The following AKR1E2 variants were observed in gnomAD, a reference collection of about 807,000 sequenced individuals.
The protein encoded by AKR1E2 is aldo-keto reductase family 1 member E2.
AKR1E2 carries 43 observed loss-of-function variants against 41.9 expected under a neutral mutation model. The ratio of observed to expected loss-of-function variants is 1.03; its 90% confidence interval spans 0.80 to 1.32. The LOEUF is 1.32. Among genes scored for constraint, AKR1E2 ranks in the 40% most tolerant of loss-of-function variants. The pLI is 0.00. For missense variants in AKR1E2, 423 were observed against 396.5 expected, an observed-to-expected ratio of 1.07 and a Z score of -0.57; for synonymous variants, 121 against 138.9, an observed-to-expected ratio of 0.87 and a Z score of 0.91.
At chr10:4,862,373 C>A in the AKR1E2 span, among the ~76,000 whole-genome samples, 1 of 152,128 alleles carries the variant, frequency 6.6e-6, no homozygotes, top group Admixed American at 6.5e-5. Context: ...GTGATGCCTC[C>A]AGCTTTGTTC....
At chr10:4,867,836 C>G in the AKR1E2 span, among the ~76,000 whole-genome samples, 1 of 152,032 alleles carries the variant, frequency 6.6e-6, no homozygotes, top group Non-Finnish European at 1.5e-5. Context: ...TTTGTCAAAG[C>G]GAGAGGCAGC....
intron 2 of AKR1E2, 120 bp downstream of exon 2, chr10:4,830,962 A>G (rs1832923875): frequency 2.4e-6 from 3 of 1,236,794 alleles, no homozygotes; most frequent in Non-Finnish European, 3.4e-6. Flanking sequence ...ATAAACAAGA[A>G]TATTCACAGC....
chr10:4,865,982 T>C, the AKR1E2 span, among the ~76,000 whole-genome samples: 1 of 152,172 alleles, frequency 6.6e-6, no homozygotes, highest in East Asian at 1.9e-4. Context: ...TTTTGGTCAA[T>C]CTCCTTCTCT....
chr10:4,826,455 A>G (rs1832513341), intron 1 of AKR1E2, 92 bp downstream of exon 1: 1 of 1,143,084 alleles, frequency 8.7e-7, no homozygotes, highest in Non-Finnish European at 1.1e-6. Context: ...GCTGGGGAGA[A>G]GTGCGGCGGC....
In AKR1E2 at chr10:4,842,476, C is replaced by T; in HGVS notation, c.809C>T (p.Thr270Ile). 1.2e-6 allele frequency: 2 copies of T among 1,614,068 alleles called. No homozygotes were observed. Among genetic ancestry groups the T allele is most frequent in the Non-Finnish European group, 8.5e-7 (1 of 1,179,970 alleles). Residue 270 changes from threonine (T) to isoleucine (I), a missense_variant, in exon 8 of 10, where the codon ACC becomes ATC. Thr to Ile is a moderately conservative substitution (Grantham distance 89). Coordinates refer to ENST00000298375, the MANE Select transcript of AKR1E2 (RefSeq NM_001040177.3). ...RNVIVIPGSI[T>I]PSHIKENIQV... ...GTGATAGTGATCCCCGGATCTATCACCCCAAGTCACATTAAAGAGAATATC... is the reference window on the plus strand; with the variant it reads ...GTGATAGTGATCCCCGGATCTATCATCCCAAGTCACATTAAAGAGAATATC...
the AKR1E2 span, among the ~76,000 whole-genome samples, chr10:4,866,667 G>T: frequency 6.9e-6 from 1 of 144,462 alleles, no homozygotes; most frequent in Non-Finnish European, 1.5e-5. Flanking sequence ...TTTTGAGATG[G>T]AGTCTCGCTG....
At chr10:4,830,964 A>T in intron 2 of AKR1E2, 122 bp downstream of exon 2, 1 of 1,218,850 alleles carries the variant, frequency 8.2e-7, no homozygotes, top group Non-Finnish European at 1.1e-6. Context: ...AAACAAGAAT[A>T]TTCACAGCTT....
At chr10:4,864,688 A>T in the AKR1E2 span, among the ~76,000 whole-genome samples, 1 of 152,178 alleles carries the variant, frequency 6.6e-6, no homozygotes, top group Non-Finnish European at 1.5e-5. Flanking sequence ...TGCAGATGAC[A>T]TGATTGTATA....
chr10:4,836,687 G>A (rs7900816), intron 4 of AKR1E2, among the ~76,000 whole-genome samples: 25,998 of 152,196 alleles, frequency 0.17, 2,741 homozygotes, highest in Middle Eastern at 0.33. Flanking sequence ...GAGATGTCAG[G>A]ACCAGGGCCC....
intron 7 of AKR1E2, among the ~76,000 whole-genome samples, chr10:4,842,109 C>T (rs1833935348): frequency 1.3e-5 from 2 of 152,138 alleles, no homozygotes; most frequent in African/African-American, 4.8e-5. Flanking sequence ...CTCTGCCCCA[C>T]CAACTGCATG....
the AKR1E2 span, among the ~76,000 whole-genome samples, chr10:4,861,429 G>A: frequency 7.9e-5 from 12 of 151,892 alleles, no homozygotes; most frequent in African/African-American, 2.9e-4. Flanking sequence ...GGAGTGCAAT[G>A]GCGTGATCTT....
intron 1 of AKR1E2, among the ~76,000 whole-genome samples, chr10:4,830,419 A>G (rs900067748): frequency 6.6e-6 from 1 of 152,092 alleles, no homozygotes; most frequent in Non-Finnish European, 1.5e-5. Context: ...GAAGCATACC[A>G]TCTAGCTCAG....
chr10:4,832,995 TAG>T (rs1181628644), intron 2 of AKR1E2, among the ~76,000 whole-genome samples: 8 of 152,368 alleles, frequency 5.3e-5, no homozygotes, highest in Admixed American at 5.2e-4. Context: ...AAACACAAGA[TAG>T]AGATTCTTCT....
intron 8 of AKR1E2, chr10:4,846,318 G>A (rs12571212): frequency 0.035 from 6,101 of 176,176 alleles, 171 homozygotes; most frequent in East Asian, 0.11. Flanking sequence ...GTGGCCATGG[G>A]TCCTGTTCCT....
intron 3 of AKR1E2, 45 bp from the exon 4 acceptor site, chr10:4,835,630 T>C: frequency 1.3e-6 from 2 of 1,597,988 alleles, no homozygotes; most frequent in Non-Finnish European, 1.7e-6. Flanking sequence ...TTTTTTTGTT[T>C]TGTTTTGTTT....
At chr10:4,828,069 A>G (rs554494867) in intron 1 of AKR1E2, among the ~76,000 whole-genome samples, 42 of 152,352 alleles carry the variant, frequency 2.8e-4, no homozygotes, top group African/African-American at 7.9e-4. Flanking sequence ...TTAATAGTGA[A>G]TAAACATCAC....
chr10:4,839,691 G>C (rs755166168), intron 5 of AKR1E2, 38 bp from the exon 6 acceptor site: 2 of 1,576,236 alleles, frequency 1.3e-6, no homozygotes, highest in African/African-American at 1.3e-5. Flanking sequence ...TTGAACACTA[G>C]TGGTCTGAAT....
the AKR1E2 span, among the ~76,000 whole-genome samples, chr10:4,860,755 T>C: frequency 2.0e-5 from 3 of 152,220 alleles, no homozygotes; most frequent in African/African-American, 7.2e-5. Flanking sequence ...ACCAAATTCT[T>C]TTCAAAGCAA....
chr10:4,856,617 A>AT, the AKR1E2 span, among the ~76,000 whole-genome samples: 81 of 152,202 alleles, frequency 5.3e-4, no homozygotes, highest in African/African-American at 1.8e-3. Context: ...ATGGTGTTTG[A>AT]TTTTCTTTCA....
Sources: gnomAD v4.1 joint callset for allele counts (sites outside exome capture counted in the v4.1 genomes callset) on GRCh38, gnomAD v4.1.1 for gene constraint, MANE v1.5 for transcripts, NCBI Gene and HGNC (gene_info 2026-07-23, HGNC 2026-07-21) for gene names.